CSMD1: variants seen among roughly 807,000 people sequenced by gnomAD.
CSMD1 encodes CUB and Sushi multiple domains 1.
CSMD1 carries 213 observed loss-of-function variants against 417.5 expected under a neutral mutation model. The ratio of observed to expected loss-of-function variants is 0.51; its 90% confidence interval spans 0.46 to 0.57. CSMD1 has a LOEUF of 0.57. Among genes scored for constraint, CSMD1 ranks in the 20% least tolerant of loss-of-function variants. The pLI is 0.00. For synonymous variants in CSMD1, 2,862 were observed against 1,736.8 expected, an observed-to-expected ratio of 1.65 and a Z score of -16.11; for missense variants, 6,923 against 4,529.7, an observed-to-expected ratio of 1.53 and a Z score of -15.17.
At chr8:3,225,476 C>T (rs373795704) in intron 27 of CSMD1, among the ~76,000 whole-genome samples, 2 of 151,750 alleles carry the variant, frequency 1.3e-5, no homozygotes, top group South Asian at 2.1e-4. Flanking sequence ...AGAATCACGC[C>T]GGGGCTGCTG....
At chr8:3,248,415 T>A (rs1800024628) in intron 26 of CSMD1, among the ~76,000 whole-genome samples, 1 of 151,862 alleles carries the variant, frequency 6.6e-6, no homozygotes, top group Non-Finnish European at 1.5e-5. Context: ...AAAACTGGAG[T>A]TTCAGAAGAA....
At chr8:3,754,109 C>T in intron 5 of CSMD1, 67 bp from the exon 6 acceptor site, 1 of 993,276 alleles carries the variant, frequency 1.0e-6, no homozygotes, top group Non-Finnish European at 1.6e-6. Context: ...TATATCAAAC[C>T]CGCTTTGAAA....
In CSMD1 at chr8:3,685,702, G is replaced by A. The variant is rs564370820; in HGVS notation, c.1009+22712C>T. On this transcript the variant is annotated intron_variant, in intron 7 of 69. Transcript: ENST00000635120. ...TCAAAGAAAATCAATGCAATTTCAA[G>A]CCTTAAGATCAGAAGGGTCAATTTC... Among the ~76,000 whole-genome samples, 121 of 151,116 alleles carry A rather than the reference G, an allele frequency of 8.0e-4. 1 individual carries two copies. Among genetic ancestry groups the A allele is most frequent in the Admixed American group, 2.8e-3 (42 of 14,926 alleles).
intron 5 of CSMD1, among the ~76,000 whole-genome samples, chr8:3,853,937 A>C (rs1804106445): frequency 6.8e-6 from 1 of 147,006 alleles, no homozygotes; most frequent in Admixed American, 6.9e-5. Flanking sequence ...TTAATATATT[A>C]AAGTATAATA....
chr8:3,128,555 T>G (rs188031420), intron 41 of CSMD1: 4 of 265,916 alleles, frequency 1.5e-5, no homozygotes, highest in Non-Finnish European at 3.0e-5. Context: ...AAATCTCAAG[T>G]AGAACCTAGG....
chr8:3,860,215 C>T (rs1324061530), intron 5 of CSMD1, among the ~76,000 whole-genome samples: 1 of 152,084 alleles, frequency 6.6e-6, no homozygotes, highest in Non-Finnish European at 1.5e-5. Context: ...GGAACAGCAC[C>T]AGGTCGTGTT....
At chr8:4,860,569 C>A (rs1378701641) in intron 1 of CSMD1, among the ~76,000 whole-genome samples, 1 of 152,060 alleles carries the variant, frequency 6.6e-6, no homozygotes, top group East Asian at 1.9e-4. Flanking sequence ...TCTGTACAGC[C>A]TGCAGAATCA....
At chr8:4,273,299 A>T (rs1410044526) in intron 3 of CSMD1, among the ~76,000 whole-genome samples, 2 of 152,204 alleles carry the variant, frequency 1.3e-5, no homozygotes, top group East Asian at 1.9e-4. Context: ...TATGTATATA[A>T]TTTTTCCAGT....
At chr8:4,692,699 C>G (rs1806847092) in intron 1 of CSMD1, among the ~76,000 whole-genome samples, 2 of 152,168 alleles carry the variant, frequency 1.3e-5, no homozygotes, top group African/African-American at 4.8e-5. Context: ...CTGAAAAGTC[C>G]TGCAGCCTGC....
rs530783894 is a variant in CSMD1 at position 3,162,297 on chromosome 8, T to C, written c.5726-20A>G. 5 of 1,451,992 alleles carry C rather than the reference T, an allele frequency of 3.4e-6. No homozygotes were observed. Among genetic ancestry groups the C allele is most frequent in the Middle Eastern group, 3.4e-4 (2 of 5,820 alleles). 89.9% of individuals were successfully genotyped at this position (1,451,992 alleles called of 1,614,324 possible). ...CTACAGCTAGAAATGCAAAGACAAA[T>C]GCTAGAAATTATATGATGTAAACAA... On this transcript the variant is annotated intron_variant, in intron 37 of 69. Coordinates refer to ENST00000635120, the MANE Select transcript of CSMD1 (RefSeq NM_033225.6).
intron 3 of CSMD1, among the ~76,000 whole-genome samples, chr8:4,128,970 G>A (rs1468734660): frequency 6.6e-6 from 1 of 151,460 alleles, no homozygotes; most frequent in Non-Finnish European, 1.5e-5. Flanking sequence ...CAGCTACTTG[G>A]GAAGCTGAGG....
chr8:4,429,281 G>T (rs767742338), intron 2 of CSMD1, among the ~76,000 whole-genome samples: 1 of 151,996 alleles, frequency 6.6e-6, no homozygotes, highest in Non-Finnish European at 1.5e-5. Flanking sequence ...TTGTTGAAGA[G>T]AATAATTTCT....
At chr8:4,656,256 G>T (rs1354106332) in intron 1 of CSMD1, among the ~76,000 whole-genome samples, 1 of 152,006 alleles carries the variant, frequency 6.6e-6, no homozygotes, top group Admixed American at 6.6e-5. Flanking sequence ...ACTTTCAGGG[G>T]GCAGTAGAAG....
intron 1 of CSMD1, among the ~76,000 whole-genome samples, chr8:4,866,503 T>C (rs1382388358): frequency 1.3e-5 from 2 of 152,050 alleles, no homozygotes; most frequent in South Asian, 2.1e-4. Context: ...TTATGCTAGG[T>C]ACTTTTAATC....
intron 1 of CSMD1, among the ~76,000 whole-genome samples, chr8:4,678,119 A>C (rs1805808945): frequency 6.6e-6 from 1 of 152,068 alleles, no homozygotes; most frequent in Non-Finnish European, 1.5e-5. Flanking sequence ...AAAACAGTCT[A>C]AAAAGAATTT....
At chr8:3,674,055 A>G (rs1799235775) in intron 7 of CSMD1, among the ~76,000 whole-genome samples, 1 of 152,150 alleles carries the variant, frequency 6.6e-6, no homozygotes, top group South Asian at 2.1e-4. Flanking sequence ...GCAATGAGCC[A>G]TGATAATGTC....
chr8:3,195,798 C>A (rs1415779580), intron 33 of CSMD1, among the ~76,000 whole-genome samples: 1 of 152,126 alleles, frequency 6.6e-6, no homozygotes, highest in Non-Finnish European at 1.5e-5. Flanking sequence ...TGAACATATT[C>A]AACATTTAAA....
intron 3 of CSMD1, among the ~76,000 whole-genome samples, chr8:4,131,839 T>A (rs899674126): frequency 1.5e-5 from 2 of 134,864 alleles, no homozygotes; most frequent in Non-Finnish European, 3.1e-5. Context: ...CCCGGCTCAC[T>A]GCAAGCTCCA....
At chr8:2,989,993 A>G (rs1330937863) in intron 54 of CSMD1, among the ~76,000 whole-genome samples, 1 of 152,194 alleles carries the variant, frequency 6.6e-6, no homozygotes, top group Non-Finnish European at 1.5e-5. Context: ...TGCATGGCCT[A>G]GAAGGCTCTA....
Sources: gnomAD v4.1 joint callset for allele counts (sites outside exome capture counted in the v4.1 genomes callset) on GRCh38, gnomAD v4.1.1 for gene constraint, MANE v1.5 for transcripts, NCBI Gene and HGNC (gene_info 2026-07-23, HGNC 2026-07-21) for gene names.